The following IKBKB variants were observed in gnomAD, a reference collection of about 807,000 sequenced individuals.
IKBKB encodes inhibitor of nuclear factor kappa B kinase subunit beta.
A neutral mutation model predicts 113.6 loss-of-function variants in IKBKB; 42 were observed. The ratio of observed to expected loss-of-function variants is 0.37; its 90% CI spans 0.29 to 0.48. The LOEUF (loss-of-function observed/expected upper bound fraction) is 0.48, where lower values mean the gene tolerates loss of function less well. IKBKB is among the 20% of genes least tolerant of loss of function. The pLI is 0.99. For missense variants in IKBKB, 673 were observed against 939.7 expected (o/e 0.72, Z 3.71); for synonymous variants, 296 against 361.3 (o/e 0.82, Z 2.05).
chr8:42,303,679 G>T (rs930594131), intron 5 of IKBKB, among the ~76,000 whole-genome samples: 3 of 151,954 alleles, frequency 2.0e-5, no homozygotes, highest in African/African-American at 7.3e-5. Context: ...TAATTTTTTT[G>T]TATTTTTAGT....
At chr8:42,328,411 C>T (rs1466300385) in intron 20 of IKBKB, among the ~76,000 whole-genome samples, 1 of 152,152 alleles carries the variant, frequency 6.6e-6, no homozygotes, top group African/African-American at 2.4e-5. Context: ...CAGAAATGTG[C>T]TCTGAGCTCC....
rs1488847948 is a variant in IKBKB, at chr8:42,306,329, T to A, written c.478-14T>A. The A allele has an allele frequency of 6.5e-7, 1 of 1,542,826 alleles. No homozygotes were observed. Among genetic ancestry groups the A allele is most frequent in the African/African-American group, 1.4e-5 (1 of 73,552 alleles). ...TTCTTATAACCCTCAGCTTTCTCCT[T>A]CCTTTTGTTTTAGTTAATACACAAA... On this transcript the variant is annotated splice_polypyrimidine_tract_variant and intron_variant, in intron 6 of 21. Transcript: ENST00000520810.
intron 19 of IKBKB, among the ~76,000 whole-genome samples, chr8:42,322,989 C>G (rs1820046950): frequency 6.6e-6 from 1 of 152,178 alleles, no homozygotes; most frequent in South Asian, 2.1e-4. Context: ...GGCTGAGCTC[C>G]CTCTGAGGGC....
intron 9 of IKBKB, 136 bp downstream of exon 9, chr8:42,314,565 A>T (rs1010647876): frequency 1.5e-6 from 1 of 653,748 alleles, no homozygotes. Context: ...ACCTGAGGTC[A>T]GGAGTTCAAG....
intron 5 of IKBKB, chr8:42,298,063 A>G (rs1025314784): frequency 1.0e-6 from 1 of 984,960 alleles, no homozygotes; most frequent in African/African-American, 1.7e-5. Context: ...GTGACCCTAA[A>G]ATAGCTCAAG....
intron 2 of IKBKB, among the ~76,000 whole-genome samples, chr8:42,280,930 G>C: frequency 6.6e-6 from 1 of 152,126 alleles, no homozygotes; most frequent in Non-Finnish European, 1.5e-5. Context: ...CTTCTCTAGG[G>C]ATTTATAGAG....
chr8:42,306,461 G>T (rs201866837), intron 7 of IKBKB, 29 bp downstream of exon 7: 2 of 1,427,768 alleles, frequency 1.4e-6, no homozygotes, highest in Non-Finnish European at 2.0e-6. Context: ...CTGTTTGCCT[G>T]TCAGCTCCTC....
At chr8:42,302,668 T>C (rs1042897830) in intron 5 of IKBKB, among the ~76,000 whole-genome samples, 3 of 152,096 alleles carry the variant, frequency 2.0e-5, no homozygotes, top group South Asian at 2.1e-4. Flanking sequence ...TAAAATCATT[T>C]ATAAAAATTC....
chr8:42,276,639 TG>T (rs371419311), intron 2 of IKBKB, among the ~76,000 whole-genome samples: 176 of 152,212 alleles, frequency 1.2e-3, no homozygotes, highest in African/African-American at 3.8e-3. Context: ...CTCTGTTAAC[TG>T]TACTTTTGAG....
intron 5 of IKBKB, among the ~76,000 whole-genome samples, chr8:42,296,499 T>A (rs1431069195): frequency 6.6e-6 from 1 of 151,868 alleles, no homozygotes; most frequent in African/African-American, 2.4e-5. Context: ...AACTAAAAAC[T>A]AAATTAGCCA....
chr8:42,318,840 C>T (rs533446257), intron 13 of IKBKB, 165 bp downstream of exon 13: 46 of 659,260 alleles, frequency 7.0e-5, no homozygotes, highest in Non-Finnish European at 9.5e-5. Context: ...GCTGGACTGA[C>T]GGAGGCCCCT....
At chr8:42,314,949 C>G (rs1818397378) in intron 9 of IKBKB, among the ~76,000 whole-genome samples, 1 of 152,170 alleles carries the variant, frequency 6.6e-6, no homozygotes, top group Non-Finnish European at 1.5e-5. Context: ...TTTCTAAGTT[C>G]ACATAACAAT....
At chr8:42,290,831 TC>T (rs1812469000) in intron 4 of IKBKB, among the ~76,000 whole-genome samples, 2 of 152,288 alleles carry the variant, frequency 1.3e-5, no homozygotes, top group South Asian at 4.1e-4. Context: ...TTCTCCACCT[TC>T]TCACCACACC....
intron 19 of IKBKB, 146 bp from the exon 20 acceptor site, chr8:42,325,824 C>G (rs933374390): frequency 6.7e-7 from 1 of 1,486,474 alleles, no homozygotes; most frequent in African/African-American, 1.4e-5. Flanking sequence ...CCAGTTGACC[C>G]GCAGGTGGGG....
At chr8:42,299,667 T>C (rs547551853) in intron 5 of IKBKB, among the ~76,000 whole-genome samples, 30 of 151,398 alleles carry the variant, frequency 2.0e-4, no homozygotes, top group African/African-American at 6.8e-4. Context: ...CCACAGAACC[T>C]ACCCGCCAGC....
At chr8:42,330,433 G>T (rs541552345) in intron 21 of IKBKB, 42 of 403,106 alleles carry the variant, frequency 1.0e-4, no homozygotes, top group African/African-American at 8.0e-4. Context: ...CGATCCGCTC[G>T]CCTCTGCCTC....
chr8:42,277,855 G>A (rs1466177927), intron 2 of IKBKB, among the ~76,000 whole-genome samples: 4 of 152,192 alleles, frequency 2.6e-5, no homozygotes, highest in Admixed American at 6.5e-5. Flanking sequence ...TTCTCCTGTA[G>A]CAAGTGCCTG....
At chr8:42,299,333 CTTAA>C (rs1814636942) in intron 5 of IKBKB, among the ~76,000 whole-genome samples, 1 of 152,198 alleles carries the variant, frequency 6.6e-6, no homozygotes, top group Admixed American at 6.5e-5. Flanking sequence ...CCCTGGCCTC[CTTAA>C]CCCTGTGTGC....
intron 8 of IKBKB, chr8:42,309,852 T>C (rs1817372074): frequency 2.0e-5 from 3 of 152,330 alleles, no homozygotes; most frequent in Admixed American, 2.0e-4. Context: ...TTAAAGGATA[T>C]GATGAAGATT....
Sources: allele counts gnomAD v4.1 joint callset (sites outside exome capture counted in the v4.1 genomes callset), GRCh38; gene constraint gnomAD v4.1.1; transcripts MANE v1.5; gene names NCBI Gene and HGNC (gene_info 2026-07-23, HGNC 2026-07-21).